SIPA1L1: variants seen among roughly 807,000 people sequenced by gnomAD.
The protein encoded by SIPA1L1 is signal-induced proliferation-associated 1-like protein 1.
SIPA1L1 carries 26 observed loss-of-function variants against 162.7 expected under a neutral mutation model. The ratio of observed to expected loss-of-function variants is 0.16; its 90% CI spans 0.12 to 0.22. The LOEUF (loss-of-function observed/expected upper bound fraction) is 0.22. Ranked by LOEUF, SIPA1L1 falls within the 10% of genes least tolerant of loss-of-function variation. The pLI, the probability that SIPA1L1 is intolerant of heterozygous loss-of-function variation, is 1.00. For synonymous variants in SIPA1L1, 829 were observed against 837.4 expected, an observed-to-expected ratio of 0.99 and a Z score of 0.17; for missense variants, 1,874 against 2,241.0, an observed-to-expected ratio of 0.84 and a Z score of 3.31.
At chr14:71,440,007 T>C (rs1316121981) in intron 2 of SIPA1L1, among the ~76,000 whole-genome samples, 1 of 152,184 alleles carries the variant, frequency 6.6e-6, no homozygotes, top group Non-Finnish European at 1.5e-5. Flanking sequence ...ATACAGGCCT[T>C]GCCCTCCTAA....
chr14:71,738,417 C>A, intron 23 of SIPA1L1, 92 bp downstream of exon 23: 3 of 816,086 alleles, frequency 3.7e-6, no homozygotes, highest in Non-Finnish European at 4.0e-6. Context: ...TAAAATAAGA[C>A]GTGGGTGTCT....
chr14:71,569,354 A>G (rs2031472216), intron 4 of SIPA1L1, among the ~76,000 whole-genome samples: 1 of 152,094 alleles, frequency 6.6e-6, no homozygotes, highest in Non-Finnish European at 1.5e-5. Context: ...AGCTGGGAGG[A>G]TTGCACTAAG....
intron 2 of SIPA1L1, among the ~76,000 whole-genome samples, chr14:71,434,456 A>C (rs2044229113): frequency 2.6e-5 from 4 of 152,240 alleles, no homozygotes; most frequent in Admixed American, 2.6e-4. Context: ...TAATATTCCA[A>C]GGTAATACAG....
At chr14:71,385,100 C>T (rs1414813833) in intron 2 of SIPA1L1, among the ~76,000 whole-genome samples, 3 of 152,200 alleles carry the variant, frequency 2.0e-5, no homozygotes, top group Non-Finnish European at 4.4e-5. Context: ...ATTTTTAAGG[C>T]ACAACCCAGA....
At chr14:71,505,604 G>T (rs1170560785) in intron 2 of SIPA1L1, among the ~76,000 whole-genome samples, 3 of 151,730 alleles carry the variant, frequency 2.0e-5, no homozygotes, top group African/African-American at 7.3e-5. Context: ...TTCCATCTTT[G>T]TCTTGGCCTA....
intron 2 of SIPA1L1, among the ~76,000 whole-genome samples, chr14:71,447,549 G>A (rs1265224687): frequency 1.3e-5 from 2 of 148,442 alleles, no homozygotes; most frequent in South Asian, 4.3e-4. Flanking sequence ...TTTTTTAAAA[G>A]CATGTACTGT....
intron 15 of SIPA1L1, 142 bp downstream of exon 15, chr14:71,702,647 G>T: frequency 1.3e-6 from 1 of 766,068 alleles, no homozygotes; most frequent in Non-Finnish European, 2.0e-6. Flanking sequence ...GTTAGATTAT[G>T]TATAAGTGAA....
chr14:71,714,149 A>G (rs1389229409), intron 17 of SIPA1L1, among the ~76,000 whole-genome samples: 5 of 152,176 alleles, frequency 3.3e-5, no homozygotes, highest in African/African-American at 7.2e-5. Context: ...TTGCTGTTAC[A>G]TGGCAGAACT....
At chr14:71,491,576 C>A (rs1175221826) in intron 2 of SIPA1L1, among the ~76,000 whole-genome samples, 1 of 151,898 alleles carries the variant, frequency 6.6e-6, no homozygotes, top group Admixed American at 6.6e-5. Context: ...ATTCTGTCGT[C>A]CAGACTGGAG....
chr14:71,329,129 T>G (rs553419047), intron 2 of SIPA1L1, among the ~76,000 whole-genome samples: 10 of 152,342 alleles, frequency 6.6e-5, no homozygotes, highest in South Asian at 2.1e-4. Flanking sequence ...GGTTTAATAG[T>G]ATTCCGTCGT....
In SIPA1L1 at chr14:71,528,131, C is replaced by G. The variant is rs371857416; in HGVS notation, c.-361-1181C>G. ...GTTCTGTGGGTGTGTTTGTTCAGCA[C>G]TCCATAGTGTGCTGAATATTCATAG... On this transcript the variant is annotated intron_variant, in intron 3 of 23. Transcript: ENST00000381232. Among the ~76,000 whole-genome samples, 55 of 152,280 alleles carry G rather than the reference C, an allele frequency of 3.6e-4. No individual in the cohort carries two copies. In the East Asian group the frequency reaches 4.8e-3, roughly 13 times the overall value.
chr14:71,731,903 G>A (rs1241641761), intron 20 of SIPA1L1, among the ~76,000 whole-genome samples: 1 of 152,192 alleles, frequency 6.6e-6, no homozygotes, highest in African/African-American at 2.4e-5. Flanking sequence ...TGATCCCTCA[G>A]CCCTGCCTTG....
chr14:71,431,696 A>C (rs1375999560), intron 2 of SIPA1L1, among the ~76,000 whole-genome samples: 1 of 152,150 alleles, frequency 6.6e-6, no homozygotes, highest in East Asian at 1.9e-4. Flanking sequence ...TAGTGTCTAG[A>C]AAATAAATAA....
At chr14:71,587,224 T>C (rs1186283682) in intron 4 of SIPA1L1, among the ~76,000 whole-genome samples, 2 of 152,232 alleles carry the variant, frequency 1.3e-5, no homozygotes, top group Non-Finnish European at 2.9e-5. Flanking sequence ...TAGCTCATGA[T>C]GTTCTACATT....
chr14:71,473,560 G>A (rs1367218571), intron 2 of SIPA1L1, among the ~76,000 whole-genome samples: 2 of 152,160 alleles, frequency 1.3e-5, no homozygotes, highest in Admixed American at 6.5e-5. Flanking sequence ...GTAAAGTTAG[G>A]TGCGAAAAGG....
chr14:71,653,509 C>T (rs1414507730), intron 8 of SIPA1L1, among the ~76,000 whole-genome samples: 2 of 152,292 alleles, frequency 1.3e-5, no homozygotes, highest in East Asian at 3.9e-4. Context: ...GAACTCGAGT[C>T]TGTCTTGGCT....
intron 7 of SIPA1L1, among the ~76,000 whole-genome samples, chr14:71,647,587 A>G (rs1372369566): frequency 6.6e-6 from 1 of 152,124 alleles, no homozygotes; most frequent in African/African-American, 2.4e-5. Flanking sequence ...GCCAGACAGC[A>G]TGTAACTTAA....
At chr14:71,657,859 C>T (rs2043194463) in intron 8 of SIPA1L1, among the ~76,000 whole-genome samples, 1 of 152,008 alleles carries the variant, frequency 6.6e-6, no homozygotes, top group Non-Finnish European at 1.5e-5. Context: ...TGGCCATAGG[C>T]AGTAAACCAC....
At position 71,639,223 on chromosome 14, in the gene SIPA1L1, A is replaced by C. The variant is rs184261870; in HGVS notation, c.1819-11112A>C. ...ATAGTTCAAGGCCAGCCTGGGCAAC[A>C]TAGTGAGATCCTGTTTCTGCAAAAA... On this transcript the variant is annotated intron_variant, in intron 7 of 23. Transcript: ENST00000381232. Among the ~76,000 whole-genome samples the C allele has an allele frequency of 2.3e-3, 355 of 152,336 alleles. 4 individuals are homozygous for C. Among genetic ancestry groups the C allele is most frequent in the African/African-American group, 7.9e-3 (328 of 41,580 alleles).
Sources: gnomAD v4.1 joint callset for allele counts (sites outside exome capture counted in the v4.1 genomes callset) on GRCh38, gnomAD v4.1.1 for gene constraint, MANE v1.5 for transcripts, NCBI Gene and HGNC (gene_info 2026-07-23, HGNC 2026-07-21) for gene names.